Variants in CLPTM1L observed in about 807,000 individuals in gnomAD.
CLPTM1L encodes lipid scramblase CLPTM1L.
Under a neutral mutation model 70.9 loss-of-function variants are expected in CLPTM1L, and 38 were observed. The ratio of observed to expected loss-of-function variants is 0.54; its 90% CI spans 0.41 to 0.70. CLPTM1L has a LOEUF of 0.70. CLPTM1L is among the 30% of genes least tolerant of loss of function. The pLI, the probability that CLPTM1L is intolerant of heterozygous loss-of-function variation, is 0.00. For missense variants in CLPTM1L, 652 were observed against 705.9 expected (o/e 0.92, Z 0.87); for synonymous variants, 339 against 299.9 (o/e 1.13, Z -1.35).
At chr5:1,339,371 C>T (rs1249294713) in intron 3 of CLPTM1L, among the ~76,000 whole-genome samples, 13 of 124,658 alleles carry the variant, frequency 1.0e-4, no homozygotes, top group Admixed American at 8.8e-5. Context: ...ATGGAAAAAC[C>T]GCACCCGGAC....
At chr5:1,335,540 G>C (rs1025138943) in intron 5 of CLPTM1L, among the ~76,000 whole-genome samples, 3 of 152,270 alleles carry the variant, frequency 2.0e-5, no homozygotes, top group African/African-American at 7.2e-5. Flanking sequence ...ATACGGCGCT[G>C]AGCTTGGCCT....
intron 9 of CLPTM1L, among the ~76,000 whole-genome samples, chr5:1,327,230 T>TCATCCAGCTCCTCCTCGACAGACACATTC (rs1752655645): frequency 1.1e-5 from 1 of 94,694 alleles, no homozygotes; most frequent in Non-Finnish European, 2.1e-5. Context: ...CAGACACATT[T>TCATCCAGCTCCTCCTCGACAGACACATTC]CATCCAGCTC....
At chr5:1,325,412 C>G (rs796104970) in intron 10 of CLPTM1L, 1 of 380,338 alleles carries the variant, frequency 2.6e-6, no homozygotes. Context: ...CAGGACTGTA[C>G]GGACCCCAGT....
chr5:1,322,325 C>A (rs1752205153), intron 13 of CLPTM1L, among the ~76,000 whole-genome samples: 1 of 152,234 alleles, frequency 6.6e-6, no homozygotes, highest in Non-Finnish European at 1.5e-5. Flanking sequence ...GCAGCCCATG[C>A]AGCTGAAGGT....
intron 9 of CLPTM1L, among the ~76,000 whole-genome samples, chr5:1,328,826 T>TTCATCCA (rs1306119601): frequency 7.3e-5 from 11 of 151,196 alleles, no homozygotes; most frequent in African/African-American, 2.4e-4. Context: ...ACAGACACAT[T>TTCATCCA]GCATCCAGCT....
chr5:1,334,248 C>G (rs778186404), intron 7 of CLPTM1L, 41 bp downstream of exon 7: 8 of 1,498,422 alleles, frequency 5.3e-6, no homozygotes, highest in Non-Finnish European at 7.4e-6. Flanking sequence ...CCCAGGGAGC[C>G]CCCCAAGTGC....
At chr5:1,319,882 C>A (rs79717857) in intron 16 of CLPTM1L, among the ~76,000 whole-genome samples, 2,691 of 152,328 alleles carry the variant, frequency 0.018, 38 homozygotes, top group South Asian at 0.055. Context: ...CCAGATGCAA[C>A]CCTCCCGAGG....
Position 1,326,381 on chromosome 5 carries a change from A to T in CLPTM1L, c.1081-565T>A, listed in dbSNP as rs551421384. ...TCCATGCAGCTCCTCCTCTACAGAC[A>T]CATTTCATCCAGCTCCTCCTCTACA... is the stretch of plus-strand genomic sequence containing the variant. On this transcript the variant is annotated intron_variant, in intron 9 of 16. Transcript: ENST00000320895. The T allele has an allele frequency of 6.5e-5, 16 of 244,434 alleles. No individual in the cohort carries two copies. In the East Asian group the frequency reaches 1.9e-3, roughly 30 times the overall value. The allele number at this position is 244,434 out of a possible 1,614,324, so 15.1% of individuals were successfully genotyped here. A position where few individuals can be genotyped will look rare whatever the true frequency, so the allele number is the denominator to read the frequency against.
intron 15 of CLPTM1L, 79 bp downstream of exon 15, chr5:1,321,556 G>T: frequency 2.4e-6 from 3 of 1,269,862 alleles, no homozygotes; most frequent in Non-Finnish European, 3.5e-6. Flanking sequence ...GATGGCCCCA[G>T]TAATGCTGTT....
chr5:1,325,901 A>G, intron 9 of CLPTM1L, 85 bp from the exon 10 acceptor site: 1 of 1,175,990 alleles, frequency 8.5e-7, no homozygotes. Flanking sequence ...AACGGGTAGG[A>G]CCTGCTGCCC....
At chr5:1,333,664 T>TACTGTATACACACGGGAA (rs1561244407) in intron 7 of CLPTM1L, among the ~76,000 whole-genome samples, 1 of 19,216 alleles carries the variant, frequency 5.2e-5, no homozygotes, top group Non-Finnish European at 9.5e-5. Context: ...ACACACCGGC[T>TACTGTATACACACGGGAA]GAGGATAAGG....
chr5:1,319,921 G>A (rs1353504073), intron 16 of CLPTM1L, among the ~76,000 whole-genome samples: 1 of 152,262 alleles, frequency 6.6e-6, no homozygotes, highest in Non-Finnish European at 1.5e-5. Flanking sequence ...CTCCTACCCT[G>A]GCACAGCAGA....
chr5:1,318,583 T>C lies in CLPTM1L; in HGVS notation c.1533-130A>G. On this transcript the variant is annotated intron_variant, in intron 16 of 16. Coordinates refer to ENST00000320895, the MANE Select transcript of CLPTM1L (RefSeq NM_030782.5). The surrounding 1 kb of genome is among the most constrained non-coding windows in gnomAD (Gnocchi z 8.9). ...TGAGCAAATTAACTAAAAAGTCGAA[T>C]CCTCAGAAGTTTTACTGCCGAGGGC... 1 of 730,432 alleles carries C rather than the reference T, an allele frequency of 1.4e-6. No individual in the cohort carries two copies. The highest frequency in any genetic ancestry group is 2.3e-6 in the Non-Finnish European group (1 of 432,668). The allele number at this position is 730,432 out of a possible 1,614,324, so 45.2% of individuals were successfully genotyped here.
intron 13 of CLPTM1L, among the ~76,000 whole-genome samples, chr5:1,322,658 C>A (rs1055802576): frequency 6.6e-6 from 1 of 152,252 alleles, no homozygotes; most frequent in Non-Finnish European, 1.5e-5. Flanking sequence ...GTACAAGGAC[C>A]TGTTTCTCAG....
At chr5:1,344,307 A>C in intron 2 of CLPTM1L, 44 bp downstream of exon 2, 1 of 1,252,674 alleles carries the variant, frequency 8.0e-7, no homozygotes, top group Non-Finnish European at 1.2e-6. Flanking sequence ...TCTGAACATG[A>C]GTAATGTTTT....
intron 3 of CLPTM1L, among the ~76,000 whole-genome samples, chr5:1,340,042 C>T (rs1168325203): frequency 2.0e-5 from 3 of 152,272 alleles, no homozygotes; most frequent in Admixed American, 1.3e-4. Flanking sequence ...GCACAGCGGC[C>T]CCACAGCTGC....
chr5:1,320,745 C>T lies in CLPTM1L; in HGVS notation c.1417-14G>A, dbSNP rs373982760. On this transcript the variant is annotated splice_polypyrimidine_tract_variant and intron_variant, in intron 15 of 16. Transcript: ENST00000320895. ...GGTGTTGAAAGCCTGCAGGGCCAGA[C>T]GGGAGGAGGGTGAACCCCAGTTGCT... is the stretch of plus-strand genomic sequence containing the variant. The T allele has an allele frequency of 3.2e-5, 47 of 1,471,028 alleles. No homozygotes were observed. In the African/African-American group the frequency reaches 3.2e-4, roughly 10 times the overall value. The allele number at this position is 1,471,028 out of a possible 1,614,324, so 91.1% of individuals were successfully genotyped here.
At chr5:1,330,633 T>C (rs895116831) in intron 8 of CLPTM1L, 2 of 508,434 alleles carry the variant, frequency 3.9e-6, no homozygotes, top group Non-Finnish European at 7.0e-6. Flanking sequence ...TGAGCCACAC[T>C]TGCAAATGAG....
chr5:1,336,325 CAT>C (rs890460170), intron 5 of CLPTM1L, among the ~76,000 whole-genome samples: 50 of 152,354 alleles, frequency 3.3e-4, no homozygotes, highest in East Asian at 1.7e-3. Context: ...AACAGCGACA[CAT>C]GAGAGAGACT....
Sources: allele counts gnomAD v4.1 joint callset (sites outside exome capture counted in the v4.1 genomes callset), GRCh38; gene constraint gnomAD v4.1.1; non-coding constraint Gnocchi (gnomAD v3.1); transcripts MANE v1.5; gene names NCBI Gene and HGNC (gene_info 2026-07-23, HGNC 2026-07-21).